The following HELZ variants were observed in gnomAD, a reference collection of about 807,000 sequenced individuals.
HELZ encodes helicase with zinc finger.
Under a neutral mutation model 218.2 loss-of-function variants are expected in HELZ, and 23 were observed. The ratio of observed to expected loss-of-function variants is 0.11; its 90% CI spans 0.08 to 0.15. The LOEUF is 0.15. HELZ is among the 10% of genes least tolerant of loss of function. The probability of loss-of-function intolerance (pLI) is 1.00; values close to 1 mark genes in which losing one functional copy is unlikely to be tolerated. For missense variants in HELZ, 1,813 were observed against 2,353.7 expected (o/e 0.77, Z 4.75); for synonymous variants, 814 against 829.4 (o/e 0.98, Z 0.32).
chr17:67,238,842 TACTC>T (rs772966524), intron 3 of HELZ, among the ~76,000 whole-genome samples: 16 of 152,264 alleles, frequency 1.1e-4, no homozygotes, highest in Non-Finnish European at 2.1e-4. Context: ...AAATAATAAA[TACTC>T]AAGACTAAAC....
chr17:67,164,856 G>T lies in HELZ; in HGVS notation c.1895+1622C>A, dbSNP rs528642387. On this transcript the variant is annotated intron_variant, in intron 15 of 32. Transcript: ENST00000358691. ...CCCTTTATCTACATATCAAGGAGAA[G>T]CCATCAGATTTGTGAGCAGTGAAAT... Among the ~76,000 whole-genome samples the T allele has an allele frequency of 2.0e-5, 3 of 152,286 alleles. No individual in the cohort carries two copies. The South Asian group carries it at 6.2e-4, about 32-fold the overall frequency.
In HELZ at chr17:67,078,578, T is replaced by C. The variant is rs372477799; in HGVS notation, c.5503A>G (p.Lys1835Glu). 1.4e-6 allele frequency: 2 copies of C among 1,480,178 alleles called. No individual in the cohort carries two copies. Among genetic ancestry groups the C allele is most frequent in the African/African-American group, 1.4e-5 (1 of 70,480 alleles). The allele number at this position is 1,480,178 out of a possible 1,614,324, so 91.7% of individuals were successfully genotyped here. A position where few individuals can be genotyped will look rare whatever the true frequency, so the allele number is the denominator to read the frequency against. ...TGATCCTCAGGGGGTTTGACAGTCT[T>C]GGGTGGCGCTAAAAGCAGAGAACAG... ...AQPRELIAPP[K>E]TVKPPEDQLK... is the part of the protein sequence containing the mutation. Residue 1835 changes from lysine to glutamate, a missense_variant, in exon 33 of 33, where the codon AAG (lysine) becomes GAG (glutamate). Around this residue, in one of 4 missense-constraint regions of HELZ, gnomAD observed 938 missense variants for 1,027.5 expected, o/e 0.91. Transcript: ENST00000358691.
intron 13 of HELZ, among the ~76,000 whole-genome samples, chr17:67,176,096 G>T (rs1217752567): frequency 2.0e-5 from 3 of 152,044 alleles, no homozygotes; most frequent in Non-Finnish European, 4.4e-5. Flanking sequence ...ATTATAGGAG[G>T]AATATATGGT....
intron 3 of HELZ, among the ~76,000 whole-genome samples, chr17:67,238,846 C>T (rs1001108015): frequency 3.3e-5 from 5 of 152,018 alleles, no homozygotes; most frequent in African/African-American, 1.2e-4. Context: ...AATAAATACT[C>T]AAGACTAAAC....
chr17:67,179,012 T>C, intron 12 of HELZ, 86 bp from the exon 13 acceptor site: 2 of 873,980 alleles, frequency 2.3e-6, no homozygotes, highest in Non-Finnish European at 1.7e-6. Context: ...ATATTACATA[T>C]TTTTGTATGA....
intron 31 of HELZ, among the ~76,000 whole-genome samples, chr17:67,099,415 C>T (rs998435374): frequency 6.6e-6 from 1 of 152,178 alleles, no homozygotes; most frequent in Non-Finnish European, 1.5e-5. Context: ...TCAGTATCAA[C>T]TCCATATATG....
chr17:67,114,968 T>C (rs1249903298), intron 27 of HELZ, among the ~76,000 whole-genome samples: 2 of 152,104 alleles, frequency 1.3e-5, no homozygotes, highest in Non-Finnish European at 2.9e-5. Flanking sequence ...TAATAGACAA[T>C]TCATACATGG....
At chr17:67,202,319 C>A (rs1181332734) in intron 6 of HELZ, among the ~76,000 whole-genome samples, 1 of 151,986 alleles carries the variant, frequency 6.6e-6, no homozygotes, top group Non-Finnish European at 1.5e-5. Flanking sequence ...ATTATCTCAA[C>A]CAAAAAAAGC....
chr17:67,164,371 G>T (rs1360506998), intron 15 of HELZ, among the ~76,000 whole-genome samples: 1 of 152,176 alleles, frequency 6.6e-6, no homozygotes, highest in Admixed American at 6.5e-5. Flanking sequence ...AATCTTAAAG[G>T]ATAGAGAGAT....
At chr17:67,135,410 T>C (rs1362389382) in intron 23 of HELZ, among the ~76,000 whole-genome samples, 1 of 152,220 alleles carries the variant, frequency 6.6e-6, no homozygotes, top group Non-Finnish European at 1.5e-5. Flanking sequence ...ACCCCTGCTC[T>C]AGTTGTTGCT....
intron 21 of HELZ, 144 bp downstream of exon 21, chr17:67,145,595 CAAGA>C (rs1170896298): frequency 1.7e-6 from 1 of 593,382 alleles, no homozygotes. Flanking sequence ...CAATGTTATA[CAAGA>C]AAGAATAAAC....
chr17:67,220,708 A>T (rs76406489), intron 3 of HELZ, among the ~76,000 whole-genome samples: 1 of 151,972 alleles, frequency 6.6e-6, no homozygotes, highest in Non-Finnish European at 1.5e-5. Context: ...CCAGCCTGGT[A>T]TCAAAACTCC....
chr17:67,092,897 G>GC lies in HELZ; in HGVS notation c.5242-5817_5242-5816insG, dbSNP rs531576795. Among the ~76,000 whole-genome samples, 112 of 151,838 alleles carry GC rather than the reference G, an allele frequency of 7.4e-4. 3 individuals are homozygous for GC. In the East Asian group the frequency reaches 0.016, roughly 22 times the overall value. ...AGAGAACTGCTTGAAACCGGCGGGG[G>GC]GGGGAAGTTGCAGTGAGCCAAGATT... On this transcript the variant is annotated intron_variant, in intron 31 of 32. Coordinates refer to ENST00000358691, the MANE Select transcript of HELZ (RefSeq NM_014877.4).
chr17:67,138,269 T>G (rs1233646077), intron 21 of HELZ, among the ~76,000 whole-genome samples, 155 bp from the exon 22 acceptor site: 2 of 151,562 alleles, frequency 1.3e-5, no homozygotes, highest in African/African-American at 4.8e-5. Flanking sequence ...AATGCTTTGC[T>G]GATGTGAACT....
intron 5 of HELZ, among the ~76,000 whole-genome samples, chr17:67,207,211 C>CTTT (rs61019173): frequency 7.9e-5 from 6 of 75,550 alleles, no homozygotes; most frequent in African/African-American, 2.2e-4. Flanking sequence ...CACGCCCGGC[C>CTTT]TTTTTTTTTT....
chr17:67,078,643 C>T lies in HELZ; in HGVS notation c.5495-57G>A, dbSNP rs1358942273. ...GGATGAGCCCAGCAATGTTCATGTG[C>T]CTCATTCACTCAGTGTGTCAGAACT... On this transcript the variant is annotated intron_variant, in intron 32 of 32. Coordinates refer to ENST00000358691, the MANE Select transcript of HELZ (RefSeq NM_014877.4). 8.9e-6 allele frequency: 11 copies of T among 1,230,402 alleles called. No individual in the cohort carries two copies. In the Admixed American group the frequency reaches 3.0e-4, roughly 34 times the overall value. The allele number at this position is 1,230,402 out of a possible 1,614,324, so 76.2% of individuals were successfully genotyped here.
chr17:67,202,252 C>A lies in HELZ; in HGVS notation c.372+1067G>T, dbSNP rs1165909744. ...GTTTAAAAAAAAAAAGGTTATAGCT[C>A]TTTTCTTCCACTTTCTATAGATTAT... is the stretch of plus-strand genomic sequence containing the variant. On this transcript the variant is annotated intron_variant, in intron 6 of 32. Transcript: ENST00000358691. 2.0e-5 allele frequency among the ~76,000 whole-genome samples: 3 copies of A among 152,140 alleles called. No individual in the cohort carries two copies. In the East Asian group the frequency reaches 5.8e-4, roughly 29 times the overall value.
intron 28 of HELZ, among the ~76,000 whole-genome samples, chr17:67,112,585 A>C (rs926918978): frequency 6.6e-6 from 1 of 152,256 alleles, no homozygotes; most frequent in Admixed American, 6.5e-5. Context: ...TTCCATATAT[A>C]GAAGCTGTGA....
chr17:67,103,683 A>T (rs935055779), intron 31 of HELZ, among the ~76,000 whole-genome samples: 1 of 152,242 alleles, frequency 6.6e-6, no homozygotes, highest in African/African-American at 2.4e-5. Context: ...TAATCTAGAG[A>T]TTTAAAGCAA....
Sources: allele counts gnomAD v4.1 joint callset (sites outside exome capture counted in the v4.1 genomes callset), GRCh38; gene constraint gnomAD v4.1.1; regional missense constraint gnomAD v4.1.1; transcripts MANE v1.5; gene names NCBI Gene and HGNC (gene_info 2026-07-23, HGNC 2026-07-21).